The following ZNF529 variants were observed in gnomAD, a reference collection of about 807,000 sequenced individuals.
The protein encoded by ZNF529 is zinc finger protein 529.
In ZNF529, 11 loss-of-function variants were observed where a neutral mutation model predicts 10.1. The observed-to-expected ratio is 1.09, with a 90% confidence interval of 0.69 to 1.81. The LOEUF (loss-of-function observed/expected upper bound fraction) is 1.81. ZNF529 is among the 40% of genes most tolerant of loss of function. The pLI, the probability that ZNF529 is intolerant of heterozygous loss-of-function variation, is 0.00. For missense variants in ZNF529, 624 were observed against 666.8 expected, an observed-to-expected ratio of 0.94 and a Z score of 0.71; for synonymous variants, 204 against 215.7, an observed-to-expected ratio of 0.95 and a Z score of 0.47.
intron 1 of ZNF529, among the ~76,000 whole-genome samples, chr19:36,591,682 G>A (rs2036720028): frequency 6.7e-6 from 1 of 149,578 alleles, no homozygotes; most frequent in African/African-American, 2.5e-5. Context: ...CCAAGATTGT[G>A]CCACTGCACT....
chr19:36,554,522 G>T, intron 4 of ZNF529, 148 bp downstream of exon 4: 1 of 533,478 alleles, frequency 1.9e-6, no homozygotes, highest in Non-Finnish European at 2.8e-6. Context: ...AGGTTGCAGT[G>T]AGCCAAGATC....
At chr19:36,575,798 AC>A (rs2036301274), upstream of ZNF529, among the ~76,000 whole-genome samples, 1 of 151,854 alleles carries the variant, frequency 6.6e-6, no homozygotes, top group South Asian at 2.1e-4. Context: ...AGGTTTAACC[AC>A]GTTATTATAG....
chr19:36,585,757 G>A (rs2036566261), intron 2 of ZNF529, among the ~76,000 whole-genome samples: 1 of 152,220 alleles, frequency 6.6e-6, no homozygotes, highest in Non-Finnish European at 1.5e-5. Context: ...AACATTGGGA[G>A]GCTGGATTTT....
upstream of ZNF529, chr19:36,577,079 A>G: frequency 2.5e-6 from 1 of 407,066 alleles, no homozygotes; most frequent in Non-Finnish European, 4.9e-6. Flanking sequence ...CAGTCTCCTG[A>G]GTAGCTGGGA....
intron 2 of ZNF529, chr19:36,582,707 TA>T (rs35956828): frequency 0.51 from 57,955 of 112,592 alleles, 13,781 homozygotes; most frequent in Non-Finnish European, 0.57. Context: ...GACTCCATCT[TA>T]AAAAAAAAAA....
At chr19:36,576,633 C>G (rs1385373604), upstream of ZNF529, among the ~76,000 whole-genome samples, 1 of 152,018 alleles carries the variant, frequency 6.6e-6, no homozygotes, top group Non-Finnish European at 1.5e-5. Flanking sequence ...AGGAGAATTG[C>G]TTGAACCCAG....
intron 1 of ZNF529, among the ~76,000 whole-genome samples, chr19:36,599,513 C>T (rs1297368847): frequency 6.6e-6 from 1 of 152,038 alleles, no homozygotes; most frequent in Admixed American, 6.6e-5. Context: ...ATGACTAATT[C>T]ATGTGAATCT....
intron 1 of ZNF529, among the ~76,000 whole-genome samples, chr19:36,591,495 G>A (rs1013035144): frequency 9.9e-5 from 15 of 151,264 alleles, no homozygotes; most frequent in East Asian, 2.0e-4. Flanking sequence ...CGAGGCGGGC[G>A]GATCACAAGG....
At position 36,544,924 on chromosome 19, in the gene ZNF529, C is replaced by T. The variant is rs140852850; in HGVS notation, c.*1942G>A. 6.8e-4 allele frequency: 103 copies of T among 152,298 alleles called. No homozygotes were observed. The highest frequency in any genetic ancestry group is 2.4e-3 in the African/African-American group (98 of 41,574). The allele number at this position is 152,298 out of a possible 1,614,324, so 9.4% of individuals were successfully genotyped here. ...TATCTGAAAATAATAGTAAAATTTT[C>T]TTATAAAAATCAAATAACCGGACAG... On this transcript the variant is annotated 3_prime_UTR_variant, in exon 5 of 5. Coordinates refer to ENST00000591340, the MANE Select transcript of ZNF529 (RefSeq NM_020951.5).
At chr19:36,601,504 A>T (rs2036923478) in intron 1 of ZNF529, among the ~76,000 whole-genome samples, 2 of 152,048 alleles carry the variant, frequency 1.3e-5, no homozygotes, top group African/African-American at 4.8e-5. Flanking sequence ...GTGAGCTATG[A>T]TCGCACCACT....
chr19:36,592,604 A>G (rs1425818368), intron 1 of ZNF529, among the ~76,000 whole-genome samples: 2 of 150,798 alleles, frequency 1.3e-5, no homozygotes, highest in African/African-American at 2.4e-5. Flanking sequence ...CAAAAAAAAA[A>G]AAAGAAAGAA....
At chr19:36,576,969 T>TTG (rs1423419135), upstream of ZNF529, among the ~76,000 whole-genome samples, 1 of 150,982 alleles carries the variant, frequency 6.6e-6, no homozygotes, top group Non-Finnish European at 1.5e-5. Context: ...TTTTTTTTTT[T>TTG]TTTTTGAGAC....
At position 36,595,668 on chromosome 19, in the gene ZNF529, C is replaced by A. The variant is rs370313012; in HGVS notation, c.-127-5967G>T. Among the ~76,000 whole-genome samples the A allele has an allele frequency of 1.1e-4, 16 of 152,196 alleles. 1 individual carries two copies. In the South Asian group the frequency reaches 3.1e-3, roughly 30 times the overall value. ...GCCTCATGATTGTGCCACTGCACTCCAGCCTGGACGACAGAGCAAGACTCT... is the reference window on the plus strand; with the variant it reads ...GCCTCATGATTGTGCCACTGCACTCAAGCCTGGACGACAGAGCAAGACTCT... On this transcript the variant is annotated intron_variant, in intron 1 of 4. Transcript: ENST00000585960.
chr19:36,595,705 C>T lies in ZNF529; in HGVS notation c.-127-6004G>A, dbSNP rs28398875. On this transcript the variant is annotated intron_variant, in intron 1 of 4. Coordinates refer to the ZNF529 transcript ENST00000585960. ...CAGAGCAAGACTCTGTCTCAAAAAA[C>T]AAAAAACAAAGAGGGCAAGTAATTT... is the stretch of plus-strand genomic sequence containing the variant. Among the ~76,000 whole-genome samples the T allele has an allele frequency of 5.5e-3, 839 of 151,982 alleles. 23 individuals are homozygous for T. The highest frequency in any genetic ancestry group is 0.037 in the Admixed American group (569 of 15,262).
intron 4 of ZNF529, among the ~76,000 whole-genome samples, chr19:36,549,685 T>G (rs1297413049): frequency 1.3e-5 from 2 of 152,230 alleles, no homozygotes; most frequent in Non-Finnish European, 2.9e-5. Flanking sequence ...ATGATTGACA[T>G]GTGGAATGAA....
chr19:36,556,209 A>G lies in ZNF529; in HGVS notation c.15-12T>C, dbSNP rs1441749867. The G allele has an allele frequency of 3.0e-6, 3 of 996,030 alleles. No individual in the cohort carries two copies. Among genetic ancestry groups the G allele is most frequent in the Non-Finnish European group, 4.7e-6 (3 of 639,492 alleles). The allele number at this position is 996,030 out of a possible 1,614,324, so 61.7% of individuals were successfully genotyped here. A position where few individuals can be genotyped will look rare whatever the true frequency, so the allele number is the denominator to read the frequency against. ...GATCCCCAATGAAACTGTAAAAATT[A>G]TTTTTTAAGAAAGAACCACCATTAA... On this transcript the variant is annotated splice_polypyrimidine_tract_variant and intron_variant, in intron 2 of 4. Coordinates refer to ENST00000591340, the MANE Select transcript of ZNF529 (RefSeq NM_020951.5).
chr19:36,553,187 G>A (rs1173599608), intron 4 of ZNF529, among the ~76,000 whole-genome samples: 4 of 151,990 alleles, frequency 2.6e-5, no homozygotes, highest in African/African-American at 7.3e-5. Flanking sequence ...GTGCAGTGGC[G>A]CAATCTTGGC....
intron 1 of ZNF529, among the ~76,000 whole-genome samples, chr19:36,600,521 C>T (rs1212929051): frequency 6.6e-6 from 1 of 152,108 alleles, no homozygotes; most frequent in Non-Finnish European, 1.5e-5. Flanking sequence ...TGTAGTATTA[C>T]ATCACTTGGA....
intron 2 of ZNF529, among the ~76,000 whole-genome samples, chr19:36,570,360 C>CAAAAAAAAAAAA (rs58429405): frequency 5.7e-4 from 40 of 70,500 alleles, no homozygotes; most frequent in East Asian, 1.1e-3. Context: ...GACCCTATCT[C>CAAAAAAAAAAAA]AAAAAAAAAA....
Sources: allele counts gnomAD v4.1 joint callset (sites outside exome capture counted in the v4.1 genomes callset), GRCh38; gene constraint gnomAD v4.1.1; transcripts MANE v1.5; gene names NCBI Gene and HGNC (gene_info 2026-07-23, HGNC 2026-07-21).